The following PCSK5 variants were observed in gnomAD, a reference collection of about 807,000 sequenced individuals.
PCSK5 encodes prohormone convertase 5.
Under a neutral mutation model 233.2 loss-of-function variants are expected in PCSK5, and 129 were observed. The ratio of observed to expected loss-of-function variants is 0.55; its 90% CI spans 0.48 to 0.64. PCSK5 has a LOEUF of 0.64. Ranked by LOEUF, PCSK5 falls within the 30% of genes least tolerant of loss-of-function variation. The probability of loss-of-function intolerance (pLI) is 0.00; values close to 1 mark genes in which losing one functional copy is unlikely to be tolerated. For missense variants in PCSK5, 2,076 were observed against 2,430.1 expected (o/e 0.85, Z 3.06); for synonymous variants, 825 against 879.2 (o/e 0.94, Z 1.09).
At chr9:76,301,571 G>A (rs181842039) in intron 27 of PCSK5, among the ~76,000 whole-genome samples, 4 of 152,288 alleles carry the variant, frequency 2.6e-5, no homozygotes, top group East Asian at 3.9e-4. Context: ...AGCTGGGCAC[G>A]GTGGCTCATG....
At chr9:75,894,866 A>G (rs12351112) in intron 1 of PCSK5, among the ~76,000 whole-genome samples, 34,122 of 152,168 alleles carry the variant, frequency 0.22, 3,976 homozygotes, top group Admixed American at 0.26. Flanking sequence ...ATATAAAGGA[A>G]TAAGACCTGA....
At chr9:75,901,607 T>C (rs1826036801) in intron 1 of PCSK5, among the ~76,000 whole-genome samples, 1 of 148,266 alleles carries the variant, frequency 6.7e-6, no homozygotes. Flanking sequence ...CTGCATGTTC[T>C]GCACATATAT....
intron 24 of PCSK5, among the ~76,000 whole-genome samples, chr9:76,290,732 G>C (rs1350920554): frequency 6.6e-6 from 1 of 152,212 alleles, no homozygotes; most frequent in East Asian, 1.9e-4. Context: ...TGAAGTGGCA[G>C]GGAGTAAATA....
intron 22 of PCSK5, among the ~76,000 whole-genome samples, chr9:76,237,959 T>G (rs1157631685): frequency 2.0e-5 from 3 of 152,218 alleles, no homozygotes; most frequent in Non-Finnish European, 4.4e-5. Flanking sequence ...GCTATCTTTA[T>G]CCACAAATTC....
At chr9:76,278,443 A>G (rs1827756971) in intron 24 of PCSK5, among the ~76,000 whole-genome samples, 1 of 152,170 alleles carries the variant, frequency 6.6e-6, no homozygotes, top group South Asian at 2.1e-4. Context: ...TAGCCAAATG[A>G]CAAGCTCCCT....
At chr9:76,025,202 A>G (rs1563979748) in intron 4 of PCSK5, among the ~76,000 whole-genome samples, 2 of 152,288 alleles carry the variant, frequency 1.3e-5, no homozygotes, top group East Asian at 3.9e-4. Context: ...ACAGAAAATC[A>G]AGATAGTGTT....
chr9:76,328,091 G>T lies in PCSK5; in HGVS notation c.4422G>T (p.Gly1474=), dbSNP rs746735553. ...AAGGCCTGATCATGAACCCTCGTGG[G>T]AGCTGCATGGCCAACGAGAAGTGCT... ...CQKGLIMNPR[G]SCMANEKCSP... is the part of the protein sequence containing the mutation. Residue 1474 remains glycine (G), a synonymous_variant, in exon 33 of 38, where the codon GGG becomes GGT. Coordinates refer to ENST00000674117, the MANE Select transcript of PCSK5 (RefSeq NM_001372043.1). The T allele has an allele frequency of 6.2e-7, 1 of 1,612,862 alleles. No individual in the cohort carries two copies. The highest frequency in any genetic ancestry group is 2.2e-5 in the East Asian group (1 of 44,874).
At chr9:76,337,174 A>T (rs1444355506) in intron 34 of PCSK5, among the ~76,000 whole-genome samples, 4 of 78,578 alleles carry the variant, frequency 5.1e-5, no homozygotes, top group Non-Finnish European at 1.3e-4. Context: ...ATTTTATGTT[A>T]TCTTTTATTG....
At position 75,891,056 on chromosome 9, in the gene PCSK5, C is replaced by CCGGGGCTGCGAGCTGCGGCGGCA; in HGVS notation, c.-104_-103insACGGGGCTGCGAGCTGCGGCGGC. 2 of 874,120 alleles carry CCGGGGCTGCGAGCTGCGGCGGCA rather than the reference C, an allele frequency of 2.3e-6. No individual in the cohort carries two copies. The highest frequency in any genetic ancestry group is 3.2e-6 in the Non-Finnish European group (2 of 634,824). The allele number at this position is 874,120 out of a possible 1,614,324, so 54.1% of individuals were successfully genotyped here. A position where few individuals can be genotyped will look rare whatever the true frequency, so the allele number is the denominator to read the frequency against. ...GGGCTAGCCGCCTCCTGCCGATCGC[C>CCGGGGCTGCGAGCTGCGGCGGCA]CGGGGCTGCGAGCTGCGGCGGCCCG... On this transcript the variant is annotated 5_prime_UTR_variant, in exon 1 of 38. Transcript: ENST00000674117.
In PCSK5 at chr9:76,328,964, G is replaced by A. The variant is rs574363443; in HGVS notation, c.4570+725G>A. On this transcript the variant is annotated intron_variant, in intron 33 of 37. Transcript: ENST00000674117. ...GCTGGGATTACAGGTGGGCACCATC[G>A]CTCCCGGCTAATTTTTTTTTTTTTT... 6.2e-4 allele frequency among the ~76,000 whole-genome samples: 78 copies of A among 125,138 alleles called. 1 individual carries two copies. Among genetic ancestry groups the A allele is most frequent in the Non-Finnish European group, 8.9e-4 (53 of 59,328 alleles). 82.1% of individuals were successfully genotyped at this position (125,138 alleles called of 152,430 possible). A position where few individuals can be genotyped will look rare whatever the true frequency, so the allele number is the denominator to read the frequency against.
intron 9 of PCSK5, among the ~76,000 whole-genome samples, chr9:76,123,410 T>TA (rs1476516683): frequency 5.9e-5 from 9 of 152,216 alleles, no homozygotes; most frequent in Non-Finnish European, 8.8e-5. Flanking sequence ...AGCCATATTT[T>TA]AAAATAAATG....
chr9:75,914,978 G>A (rs1206616020), intron 1 of PCSK5, among the ~76,000 whole-genome samples: 35 of 152,172 alleles, frequency 2.3e-4, no homozygotes, highest in Admixed American at 2.3e-3. Flanking sequence ...TAAAAGGTGT[G>A]AGGAATAGTT....
chr9:75,912,498 G>A (rs1822788652), intron 1 of PCSK5, among the ~76,000 whole-genome samples: 1 of 152,166 alleles, frequency 6.6e-6, no homozygotes, highest in African/African-American at 2.4e-5. Flanking sequence ...TAGTAGATCT[G>A]AGATGGGGCT....
chr9:76,077,780 C>T (rs553800074), intron 7 of PCSK5, among the ~76,000 whole-genome samples: 34 of 152,236 alleles, frequency 2.2e-4, no homozygotes, highest in Admixed American at 1.4e-3. Context: ...TGTATGTGTA[C>T]CACATTTTCT....
Position 76,188,607 on chromosome 9 carries a change from G to C in PCSK5, c.2312G>C (p.Cys771Ser). 6.2e-7 allele frequency: 1 copy of C among 1,613,760 alleles called. No homozygotes were observed. Among genetic ancestry groups the C allele is most frequent in the Non-Finnish European group, 8.5e-7 (1 of 1,179,716 alleles). Residue 771 changes from cysteine (C) to serine (S), a missense_variant, in exon 18 of 38, where the codon TGT becomes TCT. Transcript: ENST00000674117. ...SLQGSRCSVS[C>S]EDGRYFNGQD... is the part of the protein sequence containing the mutation. The stretch of plus-strand genomic sequence containing the variant: ...CAGGGATCCCGGTGCTCTGTCTCCT[G>C]TGAAGATGGACGGTATTTCAACGGC...
At chr9:76,225,154 G>A (rs1825848015) in intron 20 of PCSK5, among the ~76,000 whole-genome samples, 2 of 152,158 alleles carry the variant, frequency 1.3e-5, no homozygotes, top group Non-Finnish European at 2.9e-5. Context: ...TTTTAATCTG[G>A]CCTGTCTGAG....
chr9:76,304,178 TAAAAG>T (rs1446054533), intron 28 of PCSK5, among the ~76,000 whole-genome samples: 1 of 151,944 alleles, frequency 6.6e-6, no homozygotes, highest in African/African-American at 2.4e-5. Context: ...TCTCAAAAAA[TAAAAG>T]AAAGCCAGGG....
intron 10 of PCSK5, among the ~76,000 whole-genome samples, chr9:76,156,442 TTA>T (rs1257305750): frequency 6.6e-6 from 1 of 152,228 alleles, no homozygotes; most frequent in Admixed American, 6.5e-5. Context: ...AGGTAATAAT[TTA>T]TGTCTTCTAA....
At chr9:76,180,280 A>G (rs938911064) in intron 15 of PCSK5, among the ~76,000 whole-genome samples, 1 of 152,118 alleles carries the variant, frequency 6.6e-6, no homozygotes, top group South Asian at 2.1e-4. Context: ...ATCATGAGGT[A>G]CAATAGATTT....
Sources: gnomAD v4.1 joint callset for allele counts (sites outside exome capture counted in the v4.1 genomes callset) on GRCh38, gnomAD v4.1.1 for gene constraint, MANE v1.5 for transcripts, NCBI Gene and HGNC (gene_info 2026-07-23, HGNC 2026-07-21) for gene names.